PPP4R2: variants seen among roughly 807,000 people sequenced by gnomAD.
PPP4R2 encodes protein phosphatase 4 regulatory subunit 2.
A neutral mutation model predicts 47.2 loss-of-function variants in PPP4R2; 13 were observed. The ratio of observed to expected loss-of-function variants is 0.28; its 90% CI spans 0.18 to 0.44. The LOEUF is 0.44. Ranked by LOEUF, PPP4R2 falls within the 20% of genes least tolerant of loss-of-function variation. The pLI, the probability that PPP4R2 is intolerant of heterozygous loss-of-function variation, is 1.00. For missense variants in PPP4R2, 421 were observed against 491.2 expected (o/e 0.86, Z 1.35); for synonymous variants, 151 against 163.3 (o/e 0.92, Z 0.57).
chr3:73,032,513 T>C (rs1702185743), intron 2 of PPP4R2, among the ~76,000 whole-genome samples: 1 of 152,174 alleles, frequency 6.6e-6, no homozygotes, highest in Non-Finnish European at 1.5e-5. Flanking sequence ...GGTCTTGATT[T>C]CCTGACCTTG....
chr3:73,025,552 A>C (rs974006870), intron 2 of PPP4R2, among the ~76,000 whole-genome samples: 1 of 152,232 alleles, frequency 6.6e-6, no homozygotes, highest in Non-Finnish European at 1.5e-5. Flanking sequence ...GTTATAAACA[A>C]AGTGCTTTGG....
chr3:73,058,379 GATT>G (rs762333554), intron 3 of PPP4R2, among the ~76,000 whole-genome samples: 9 of 152,016 alleles, frequency 5.9e-5, no homozygotes, highest in South Asian at 2.1e-4. Flanking sequence ...CCCCCAACTT[GATT>G]ATTATTTGTG....
chr3:73,017,772 G>C (rs1011139896), intron 2 of PPP4R2, among the ~76,000 whole-genome samples: 1 of 151,862 alleles, frequency 6.6e-6, no homozygotes, highest in Admixed American at 6.6e-5. Context: ...TGTCGCCCAG[G>C]CTGGAGTGTA....
intron 1 of PPP4R2, 56 bp from the exon 2 acceptor site, chr3:72,998,021 G>A: frequency 7.8e-7 from 1 of 1,280,438 alleles, no homozygotes; most frequent in South Asian, 1.3e-5. Context: ...AGGAAAGTTT[G>A]TTTTTAGAGC....
At position 73,063,499 on chromosome 3, in the gene PPP4R2, C is replaced by T. The variant is rs530217766; in HGVS notation, c.420-174C>T. 2.6e-5 allele frequency among the ~76,000 whole-genome samples: 4 copies of T among 152,174 alleles called. No homozygotes were observed. The South Asian group carries it at 8.3e-4, about 32-fold the overall frequency. ...AATAGCTGCGCATGGCATCACACGT[C>T]TGTCATCCCAGCTACTTGGGAGGCT... On this transcript the variant is annotated intron_variant, in intron 5 of 8. Transcript: ENST00000356692.
At chr3:73,028,949 T>A (rs926752811) in intron 2 of PPP4R2, among the ~76,000 whole-genome samples, 8 of 152,120 alleles carry the variant, frequency 5.3e-5, no homozygotes, top group African/African-American at 1.9e-4. Context: ...CGTCGCAGTT[T>A]TTTGTTGTTG....
intron 3 of PPP4R2, among the ~76,000 whole-genome samples, chr3:73,051,001 C>T (rs1702600974): frequency 6.6e-6 from 1 of 152,086 alleles, no homozygotes; most frequent in Non-Finnish European, 1.5e-5. Context: ...CACATCCTCC[C>T]CCTCCTGGGT....
At position 73,065,380 on chromosome 3, in the gene PPP4R2, C is replaced by G. The variant is rs769597761; in HGVS notation, c.929-17C>G. On this transcript the variant is annotated splice_polypyrimidine_tract_variant and intron_variant, in intron 8 of 8. Transcript: ENST00000356692. ...TGAAAATACAATTTAACTACAACAA[C>G]ATTTGCTTATTTTTAGAGTCTTTTA... The G allele has an allele frequency of 1.3e-6, 2 of 1,560,728 alleles. No individual in the cohort carries two copies. Among genetic ancestry groups the G allele is most frequent in the East Asian group, 2.3e-5 (1 of 44,332 alleles).
chr3:72,999,507 A>T (rs547824300), intron 2 of PPP4R2, among the ~76,000 whole-genome samples: 1 of 152,268 alleles, frequency 6.6e-6, no homozygotes, highest in Non-Finnish European at 1.5e-5. Context: ...GTTTTTTGAT[A>T]TACAAGATGA....
At chr3:73,049,786 ATTAT>A (rs1163835847) in intron 3 of PPP4R2, among the ~76,000 whole-genome samples, 7 of 150,436 alleles carry the variant, frequency 4.7e-5, no homozygotes, top group Admixed American at 6.6e-5. Context: ...AATATTGTGT[ATTAT>A]TTATTACATA....
intron 2 of PPP4R2, among the ~76,000 whole-genome samples, chr3:73,041,736 TTAG>T (rs199585601): frequency 0.013 from 1,931 of 152,366 alleles, 18 homozygotes; most frequent in South Asian, 0.024. Flanking sequence ...GAGAGTAATC[TTAG>T]TAGAACTGGA....
At position 73,066,788 on chromosome 3, in the gene PPP4R2, A is replaced by G. The variant is rs1316035181; in HGVS notation, c.*1066A>G. ...CTTTAGTATGTACCTGAGCTAAATG[A>G]CTGAAGCTTTAGGGGTGCATAGAAA... On this transcript the variant is annotated 3_prime_UTR_variant, in exon 9 of 9. Transcript: ENST00000356692. The G allele has an allele frequency of 6.6e-6, 1 of 152,084 alleles. No homozygotes were observed. Among genetic ancestry groups the G allele is most frequent in the Non-Finnish European group, 1.5e-5 (1 of 67,940 alleles). 9.4% of individuals were successfully genotyped at this position (152,084 alleles called of 1,614,324 possible).
chr3:73,045,822 A>T (rs1702473033), intron 2 of PPP4R2, among the ~76,000 whole-genome samples: 1 of 152,144 alleles, frequency 6.6e-6, no homozygotes, highest in Non-Finnish European at 1.5e-5. Context: ...TAATCTAAAT[A>T]AGCTTTATTT....
rs1455118729 is a variant in PPP4R2, at chr3:73,066,911, AATG to A, written c.*1192_*1194del. On this transcript the variant is annotated 3_prime_UTR_variant, in exon 9 of 9. Coordinates refer to ENST00000356692, the MANE Select transcript of PPP4R2 (RefSeq NM_174907.4). ...TATTTTTCAGATCAACACAAAGCACAATGATTACTCGAAATTCAGTATTTTCAA... is the reference window on the plus strand; with the variant it reads ...TATTTTTCAGATCAACACAAAGCACAATTACTCGAAATTCAGTATTTTCAA... 2 of 152,140 alleles carry A rather than the reference AATG, an allele frequency of 1.3e-5. No individual in the cohort carries two copies. The highest frequency in any genetic ancestry group is 4.8e-5 in the African/African-American group (2 of 41,456). The allele number at this position is 152,140 out of a possible 1,614,324, so 9.4% of individuals were successfully genotyped here. A position where few individuals can be genotyped will look rare whatever the true frequency, so the allele number is the denominator to read the frequency against.
intron 2 of PPP4R2, among the ~76,000 whole-genome samples, chr3:72,998,769 G>T (rs1701403439): frequency 6.6e-6 from 1 of 152,146 alleles, no homozygotes; most frequent in African/African-American, 2.4e-5. Context: ...ACGCTATAAA[G>T]TTAGGGCTGT....
At chr3:73,012,364 A>G (rs561903491) in intron 2 of PPP4R2, among the ~76,000 whole-genome samples, 15 of 152,208 alleles carry the variant, frequency 9.9e-5, no homozygotes, top group Non-Finnish European at 1.3e-4. Flanking sequence ...CAGCGGCGCA[A>G]TCTCAGCTCA....
chr3:73,027,893 C>A (rs1235082951), intron 2 of PPP4R2: 1 of 149,786 alleles, frequency 6.7e-6, no homozygotes, highest in Non-Finnish European at 1.5e-5. Flanking sequence ...CCCTCAAACT[C>A]CCATGTTAAA....
At chr3:73,036,977 C>T (rs1445557910) in intron 2 of PPP4R2, among the ~76,000 whole-genome samples, 1 of 152,184 alleles carries the variant, frequency 6.6e-6, no homozygotes, top group African/African-American at 2.4e-5. Flanking sequence ...AGTGCTAACT[C>T]ATTTTTATAT....
intron 2 of PPP4R2, among the ~76,000 whole-genome samples, chr3:73,036,964 G>A (rs1559558718): frequency 6.6e-6 from 1 of 152,134 alleles, no homozygotes; most frequent in Non-Finnish European, 1.5e-5. Flanking sequence ...CACCACTTGT[G>A]GCAGTGCTAA....
Sources: allele counts gnomAD v4.1 joint callset (sites outside exome capture counted in the v4.1 genomes callset), GRCh38; gene constraint gnomAD v4.1.1; transcripts MANE v1.5; gene names NCBI Gene and HGNC (gene_info 2026-07-23, HGNC 2026-07-21).